The following GRIK2 variants were observed in gnomAD, a reference collection of about 807,000 sequenced individuals.
GRIK2 encodes the protein glutamate receptor ionotropic, kainate 2.
In GRIK2, 32 loss-of-function variants were observed where a neutral mutation model predicts 100.3. That is an observed-to-expected ratio of 0.32 (90% confidence interval 0.24 to 0.43). The LOEUF is 0.43. Among genes scored for constraint, GRIK2 ranks in the 20% least tolerant of loss-of-function variants. GRIK2 has a pLI of 1.00. For synonymous variants in GRIK2, 417 were observed against 389.4 expected, an observed-to-expected ratio of 1.07 and a Z score of -0.83; for missense variants, 843 against 1,114.9, an observed-to-expected ratio of 0.76 and a Z score of 3.47.
intron 2 of GRIK2, among the ~76,000 whole-genome samples, chr6:101,607,382 A>G (rs967683688): frequency 6.6e-6 from 1 of 152,036 alleles, no homozygotes; most frequent in African/African-American, 2.4e-5. Flanking sequence ...CTGTTATAAT[A>G]ACTGAAATGG....
intron 4 of GRIK2, among the ~76,000 whole-genome samples, chr6:101,663,022 A>G (rs192325908): frequency 1.3e-5 from 2 of 152,310 alleles, no homozygotes; most frequent in Admixed American, 1.3e-4. Flanking sequence ...AGAAGATAAA[A>G]TAAAACCTGA....
intron 2 of GRIK2, among the ~76,000 whole-genome samples, chr6:101,471,544 C>T (rs1377252022): frequency 6.6e-6 from 1 of 151,866 alleles, no homozygotes; most frequent in African/African-American, 2.4e-5. Flanking sequence ...AACACCAGAG[C>T]CATGAAAATG....
At chr6:101,719,818 C>T (rs1164383656) in intron 7 of GRIK2, among the ~76,000 whole-genome samples, 1 of 151,922 alleles carries the variant, frequency 6.6e-6, no homozygotes, top group African/African-American at 2.4e-5. Context: ...TTTAATAGTC[C>T]ATTGACTCTC....
chr6:101,472,950 A>G (rs1245335113), intron 2 of GRIK2, among the ~76,000 whole-genome samples: 1 of 151,560 alleles, frequency 6.6e-6, no homozygotes, highest in Non-Finnish European at 1.5e-5. Flanking sequence ...GGTCGAGACT[A>G]TTTCTATATG....
intron 2 of GRIK2, among the ~76,000 whole-genome samples, chr6:101,485,864 T>G (rs907222835): frequency 6.6e-6 from 1 of 151,856 alleles, no homozygotes; most frequent in African/African-American, 2.4e-5. Flanking sequence ...TATGCTGCAG[T>G]TTTTCTGGTT....
At chr6:101,572,067 T>C (rs933654485) in intron 2 of GRIK2, among the ~76,000 whole-genome samples, 9 of 152,140 alleles carry the variant, frequency 5.9e-5, no homozygotes, top group Non-Finnish European at 2.9e-5. Flanking sequence ...CTCAACACTG[T>C]TGATCTTGAT....
intron 15 of GRIK2, among the ~76,000 whole-genome samples, chr6:102,048,821 G>A (rs1431242904): frequency 6.6e-6 from 1 of 151,850 alleles, no homozygotes; most frequent in Non-Finnish European, 1.5e-5. Context: ...GTCATATACA[G>A]CATGTAATAT....
intron 7 of GRIK2, among the ~76,000 whole-genome samples, chr6:101,758,958 C>G (rs1389960333): frequency 2.0e-5 from 3 of 152,084 alleles, no homozygotes; most frequent in African/African-American, 7.2e-5. Flanking sequence ...ACCATTATGG[C>G]TAAAATATTT....
At chr6:101,449,987 C>G (rs1436980853) in intron 2 of GRIK2, among the ~76,000 whole-genome samples, 3 of 151,610 alleles carry the variant, frequency 2.0e-5, no homozygotes, top group African/African-American at 4.8e-5. Context: ...ATGACTTGTT[C>G]ACTCTTTGTT....
chr6:101,857,149 G>C (rs1161124821), intron 10 of GRIK2, among the ~76,000 whole-genome samples: 9 of 152,020 alleles, frequency 5.9e-5, no homozygotes, highest in African/African-American at 2.2e-4. Context: ...GCAATGAGGG[G>C]CAGGGAAAAC....
chr6:101,975,404 G>A (rs1331894261), intron 14 of GRIK2, among the ~76,000 whole-genome samples: 2 of 151,894 alleles, frequency 1.3e-5, no homozygotes, highest in Non-Finnish European at 2.9e-5. Context: ...AAAGGAGATT[G>A]AGAGAGCAGC....
chr6:101,819,558 G>C (rs564757686), intron 10 of GRIK2, among the ~76,000 whole-genome samples: 1 of 152,010 alleles, frequency 6.6e-6, no homozygotes, highest in South Asian at 2.1e-4. Context: ...ACATCCAAAC[G>C]TCTAAGACAC....
intron 7 of GRIK2, among the ~76,000 whole-genome samples, chr6:101,689,177 G>GA (rs1771916786): frequency 1.3e-5 from 2 of 152,124 alleles, no homozygotes; most frequent in South Asian, 2.1e-4. Flanking sequence ...AGAAAAAAGA[G>GA]AAAAAAGAAT....
intron 14 of GRIK2, among the ~76,000 whole-genome samples, chr6:101,995,031 A>T (rs1179734174): frequency 6.6e-6 from 1 of 151,896 alleles, no homozygotes; most frequent in African/African-American, 2.4e-5. Context: ...ATAGATTCTT[A>T]TTATTTTATC....
rs190508068 is a variant in GRIK2, at chr6:101,654,118, C to A, written c.542-22505C>A. Among the ~76,000 whole-genome samples, 341 of 152,204 alleles carry A rather than the reference C, an allele frequency of 2.2e-3. 2 individuals are homozygous for A. Among genetic ancestry groups the A allele is most frequent in the African/African-American group, 7.7e-3 (319 of 41,542 alleles). On this transcript the variant is annotated intron_variant, in intron 4 of 16. Transcript: ENST00000369134. ...CTGCCTAATAAATATTTGCTGAAAA[C>A]TGAATAAACATCTAATGTCAAAAGT...
chr6:101,566,381 A>G (rs1020626826), intron 2 of GRIK2, among the ~76,000 whole-genome samples: 2 of 152,104 alleles, frequency 1.3e-5, no homozygotes, highest in East Asian at 3.8e-4. Context: ...GTGGAAAGAT[A>G]TCACTACAGC....
intron 2 of GRIK2, among the ~76,000 whole-genome samples, chr6:101,514,877 T>C (rs1261851529): frequency 6.6e-6 from 1 of 152,080 alleles, no homozygotes; most frequent in East Asian, 1.9e-4. Context: ...TGAAAGAGGG[T>C]AGAACAGAGG....
chr6:101,966,230 A>T (rs1354351681), intron 14 of GRIK2, among the ~76,000 whole-genome samples: 2 of 152,200 alleles, frequency 1.3e-5, no homozygotes, highest in Non-Finnish European at 2.9e-5. Context: ...CAAATTGTTT[A>T]GCTAAGGAAG....
chr6:101,787,384 G>T (rs978822781), intron 7 of GRIK2, among the ~76,000 whole-genome samples: 6 of 151,366 alleles, frequency 4.0e-5, no homozygotes, highest in Non-Finnish European at 8.8e-5. Flanking sequence ...AGTTCTTGAG[G>T]TGCATCATTA....
Sources: allele counts gnomAD v4.1 joint callset (sites outside exome capture counted in the v4.1 genomes callset), GRCh38; gene constraint gnomAD v4.1.1; transcripts MANE v1.5; gene names NCBI Gene and HGNC (gene_info 2026-07-23, HGNC 2026-07-21).